Variants in CCSER1 observed in about 807,000 individuals in gnomAD.
The protein encoded by CCSER1 is serine-rich coiled-coil domain-containing protein 1.
In CCSER1, 41 loss-of-function variants were observed where a neutral mutation model predicts 82.0. The observed-to-expected ratio is 0.50, with a 90% CI of 0.39 to 0.65. The LOEUF (loss-of-function observed/expected upper bound fraction) is 0.65, where lower values mean the gene tolerates loss of function less well. Among genes scored for constraint, CCSER1 ranks in the 30% least tolerant of loss-of-function variants. The pLI is 0.00. For synonymous variants in CCSER1, 414 were observed against 383.9 expected (o/e 1.08, Z -0.92); for missense variants, 1,119 against 1,064.2 (o/e 1.05, Z -0.72).
At chr4:91,358,923 G>A (rs959382123) in intron 10 of CCSER1, among the ~76,000 whole-genome samples, 4 of 152,094 alleles carry the variant, frequency 2.6e-5, no homozygotes, top group Admixed American at 2.0e-4. Context: ...CTATCCATCA[G>A]TCACCTCGCT....
At chr4:90,669,456 A>G (rs1732398304) in intron 6 of CCSER1, among the ~76,000 whole-genome samples, 1 of 152,130 alleles carries the variant, frequency 6.6e-6, no homozygotes, top group Non-Finnish European at 1.5e-5. Context: ...TTAATACTCT[A>G]TAGAATCCCT....
chr4:90,411,659 A>C (rs542494376), intron 4 of CCSER1, among the ~76,000 whole-genome samples: 1 of 152,318 alleles, frequency 6.6e-6, no homozygotes, highest in African/African-American at 2.4e-5. Flanking sequence ...ACCCACAGCC[A>C]ATATCATACT....
At chr4:90,861,968 T>C (rs1765161301) in intron 8 of CCSER1, among the ~76,000 whole-genome samples, 1 of 148,730 alleles carries the variant, frequency 6.7e-6, no homozygotes, top group African/African-American at 2.5e-5. Context: ...CTCAGTGATA[T>C]TGGTGGGATT....
chr4:90,484,304 G>T (rs959150508), intron 5 of CCSER1, among the ~76,000 whole-genome samples: 2 of 151,980 alleles, frequency 1.3e-5, no homozygotes, highest in South Asian at 2.1e-4. Context: ...TAACTTATTT[G>T]CCATTGGTTC....
At chr4:91,230,215 C>A (rs1020495032) in intron 10 of CCSER1, among the ~76,000 whole-genome samples, 1 of 151,926 alleles carries the variant, frequency 6.6e-6, no homozygotes, top group Non-Finnish European at 1.5e-5. Context: ...AAAGTTGAAT[C>A]CATTTAACTG....
intron 9 of CCSER1, among the ~76,000 whole-genome samples, chr4:91,035,496 G>A (rs1741358182): frequency 6.6e-6 from 1 of 152,168 alleles, no homozygotes; most frequent in African/African-American, 2.4e-5. Context: ...AGCTCTGAAA[G>A]CTTATGCCAC....
intron 7 of CCSER1, among the ~76,000 whole-genome samples, chr4:90,805,525 T>A (rs1368171157): frequency 6.6e-6 from 1 of 152,200 alleles, no homozygotes; most frequent in South Asian, 2.1e-4. Context: ...AGAGTCATCA[T>A]ATTCTATTAA....
At chr4:91,431,796 T>A (rs1334060545) in intron 10 of CCSER1, among the ~76,000 whole-genome samples, 1 of 152,228 alleles carries the variant, frequency 6.6e-6, no homozygotes, top group Non-Finnish European at 1.5e-5. Context: ...ATCGAAGCAT[T>A]CTATACAATT....
chr4:90,782,062 C>T (rs1753850194), intron 7 of CCSER1: 9 of 638,812 alleles, frequency 1.4e-5, no homozygotes, highest in Non-Finnish European at 1.8e-5. Flanking sequence ...TCCTGATAAA[C>T]ACTTTCTTGA....
At chr4:90,146,209 A>C (rs1310710942) in intron 1 of CCSER1, among the ~76,000 whole-genome samples, 1 of 152,090 alleles carries the variant, frequency 6.6e-6, no homozygotes, top group African/African-American at 2.4e-5. Flanking sequence ...TCTTTTGAGA[A>C]GTGAGCTCCA....
At chr4:90,532,886 T>C (rs1774760933) in intron 5 of CCSER1, among the ~76,000 whole-genome samples, 1 of 152,134 alleles carries the variant, frequency 6.6e-6, no homozygotes, top group South Asian at 2.1e-4. Context: ...TTTTGTATTC[T>C]GTTCTTACTG....
chr4:90,316,036 T>A (rs1736109251), intron 3 of CCSER1, among the ~76,000 whole-genome samples: 2 of 152,236 alleles, frequency 1.3e-5, no homozygotes, highest in Non-Finnish European at 2.9e-5. Flanking sequence ...GGTTCAGTTA[T>A]TTTATTTTAA....
chr4:90,718,407 A>ATCTGTACTAT (rs1455924471), intron 6 of CCSER1, among the ~76,000 whole-genome samples: 1 of 152,114 alleles, frequency 6.6e-6, no homozygotes, highest in African/African-American at 2.4e-5. Context: ...CTTTCAGGGG[A>ATCTGTACTAT]GGCATAATTA....
At chr4:91,135,162 T>C (rs1277361421) in intron 10 of CCSER1, among the ~76,000 whole-genome samples, 1 of 152,148 alleles carries the variant, frequency 6.6e-6, no homozygotes, top group Non-Finnish European at 1.5e-5. Context: ...ATAATCTTAA[T>C]GAAATATCAC....
chr4:90,335,569 CT>C (rs1561050190), intron 3 of CCSER1, among the ~76,000 whole-genome samples: 1 of 152,216 alleles, frequency 6.6e-6, no homozygotes. Context: ...AACATTTTCC[CT>C]TTTCTTTTTT....
intron 10 of CCSER1, among the ~76,000 whole-genome samples, chr4:91,209,657 A>G (rs1018436225): frequency 2.6e-5 from 4 of 151,872 alleles, no homozygotes; most frequent in African/African-American, 7.2e-5. Flanking sequence ...AATCAAGAAT[A>G]TTAGCCTGAA....
At chr4:91,056,881 G>T (rs1377846395) in intron 9 of CCSER1, among the ~76,000 whole-genome samples, 1 of 152,142 alleles carries the variant, frequency 6.6e-6, no homozygotes, top group African/African-American at 2.4e-5. Flanking sequence ...TTTCACATAT[G>T]TAGTTGCTTT....
intron 10 of CCSER1, among the ~76,000 whole-genome samples, chr4:91,092,994 C>G (rs182986415): frequency 6.6e-6 from 1 of 152,094 alleles, no homozygotes; most frequent in Non-Finnish European, 1.5e-5. Flanking sequence ...TATGTCCTTT[C>G]CCCCGAATTT....
intron 1 of CCSER1, among the ~76,000 whole-genome samples, chr4:90,156,872 C>T (rs1728316138): frequency 6.6e-6 from 1 of 152,142 alleles, no homozygotes; most frequent in African/African-American, 2.4e-5. Context: ...AGTCCAGTTA[C>T]ATTTAAAGTT....
Sources: allele counts gnomAD v4.1 joint callset (sites outside exome capture counted in the v4.1 genomes callset), GRCh38; gene constraint gnomAD v4.1.1; transcripts MANE v1.5; gene names NCBI Gene and HGNC (gene_info 2026-07-23, HGNC 2026-07-21).